PTP4A1: variants seen among roughly 807,000 people sequenced by gnomAD.
PTP4A1 encodes the protein protein tyrosine phosphatase type IVA 1.
Under a neutral mutation model 20.5 loss-of-function variants are expected in PTP4A1, and 9 were observed. The ratio of observed to expected loss-of-function variants is 0.44; its 90% CI spans 0.26 to 0.77. The LOEUF (loss-of-function observed/expected upper bound fraction) is 0.77. PTP4A1 is among the 30% of genes least tolerant of loss of function. The pLI, the probability that PTP4A1 is intolerant of heterozygous loss-of-function variation, is 0.19. For synonymous variants in PTP4A1, 78 were observed against 67.4 expected, an observed-to-expected ratio of 1.16 and a Z score of -0.77; for missense variants, 137 against 218.8, an observed-to-expected ratio of 0.63 and a Z score of 2.36.
intron 3 of PTP4A1, among the ~76,000 whole-genome samples, chr6:63,553,079 C>T (rs1201112926): frequency 6.6e-6 from 1 of 152,104 alleles, no homozygotes; most frequent in Non-Finnish European, 1.5e-5. Flanking sequence ...TCACCAGTTG[C>T]AAAGTAGTAG....
At chr6:63,559,828 G>GAGAA in intron 3 of PTP4A1, among the ~76,000 whole-genome samples, 1 of 152,142 alleles carries the variant, frequency 6.6e-6, no homozygotes, top group Non-Finnish European at 1.5e-5. Context: ...TCTGAGGCAG[G>GAGAA]TTTGCCCAGG....
chr6:63,574,331 A>G (rs1027684437), intron 1 of PTP4A1, among the ~76,000 whole-genome samples: 20 of 152,032 alleles, frequency 1.3e-4, no homozygotes, highest in African/African-American at 4.8e-4. Flanking sequence ...CCCTTCTTGT[A>G]TATGATTGTG....
At chr6:63,575,652 T>C (rs1385016994) in intron 1 of PTP4A1, among the ~76,000 whole-genome samples, 2 of 152,186 alleles carry the variant, frequency 1.3e-5, no homozygotes, top group African/African-American at 4.8e-5. Flanking sequence ...ATTTTGGTTT[T>C]AAAATACAAA....
chr6:63,578,919 G>A lies in PTP4A1; in HGVS notation c.220G>A (p.Ala74Thr). The change falls in exon 4 of 6, where the codon GCA (alanine) becomes ACA (threonine). Residue 74 changes from alanine to threonine, a missense_variant. By Grantham distance (58) the Ala-to-Thr change is moderately conservative. Coordinates refer to ENST00000626021, the MANE Select transcript of PTP4A1 (RefSeq NM_003463.5). ...TTAGGATTGGCCTTTTGATGATGGT[G>A]CACCACCATCCAACCAGATTGTTGA... The part of the protein sequence containing the change: ...HVLDWPFDDG[A>T]PPSNQIVDDW... 1 of 1,586,420 alleles carries A rather than the reference G, an allele frequency of 6.3e-7. No individual in the cohort carries two copies. Among genetic ancestry groups the A allele is most frequent in the Non-Finnish European group, 8.5e-7 (1 of 1,170,154 alleles).
intron 1 of PTP4A1, chr6:63,573,306 G>C (rs1286426701): frequency 6.6e-6 from 1 of 152,608 alleles, no homozygotes; most frequent in Non-Finnish European, 1.5e-5. Context: ...CGGGCGTGGG[G>C]TAGGCCGGAC....
rs1211615873 is a variant in PTP4A1, at chr6:63,580,490, A to C, written c.*316A>C. The C allele has an allele frequency of 1.9e-5, 4 of 211,594 alleles. No homozygotes were observed. In the Admixed American group the frequency reaches 2.1e-4, roughly 11 times the overall value. 13.1% of individuals were successfully genotyped at this position (211,594 alleles called of 1,614,324 possible). ...AAATCTATTCCCATGCCAGAATCTT[A>C]TCAATACATAAGAAATTTAGGAAGA... is the stretch of plus-strand genomic sequence containing the variant. On this transcript the variant is annotated 3_prime_UTR_variant, in exon 6 of 6. Coordinates refer to ENST00000626021, the MANE Select transcript of PTP4A1 (RefSeq NM_003463.5).
chr6:63,549,190 T>G, intron 2 of PTP4A1: 1 of 692,824 alleles, frequency 1.4e-6, no homozygotes, highest in Non-Finnish European at 2.6e-6. Flanking sequence ...TTCTCTTGCT[T>G]AGTCTCTGAT....
At chr6:63,574,897 T>A (rs555780302) in intron 1 of PTP4A1, among the ~76,000 whole-genome samples, 42 of 152,336 alleles carry the variant, frequency 2.8e-4, no homozygotes, top group African/African-American at 1.0e-3. Flanking sequence ...TTTAGACACT[T>A]AATTTTTTAA....
chr6:63,529,717 T>C (rs1024593503), intron 2 of PTP4A1, among the ~76,000 whole-genome samples: 1 of 152,222 alleles, frequency 6.6e-6, no homozygotes, highest in African/African-American at 2.4e-5. Context: ...GAAAAGGTTA[T>C]GCATTTTATC....
intron 3 of PTP4A1, among the ~76,000 whole-genome samples, chr6:63,551,557 T>C (rs941035715): frequency 1.3e-4 from 20 of 152,338 alleles, no homozygotes; most frequent in Admixed American, 1.2e-3. Flanking sequence ...TTAATTATAC[T>C]TTAAGTTCTA....
At chr6:63,578,005 T>C (rs1217075671) in intron 2 of PTP4A1, among the ~76,000 whole-genome samples, 1 of 151,912 alleles carries the variant, frequency 6.6e-6, no homozygotes, top group African/African-American at 2.4e-5. Context: ...ATCAGTAAAG[T>C]TTAAGGAGTG....
At chr6:63,555,082 T>C (rs1448027633) in intron 3 of PTP4A1, among the ~76,000 whole-genome samples, 1 of 152,226 alleles carries the variant, frequency 6.6e-6, no homozygotes, top group East Asian at 1.9e-4. Flanking sequence ...CATACCTCCA[T>C]TTCTTTTCAT....
chr6:63,518,822 T>A (rs1774822191), upstream of PTP4A1, among the ~76,000 whole-genome samples: 1 of 152,064 alleles, frequency 6.6e-6, no homozygotes, highest in South Asian at 2.1e-4. Context: ...TATTGAAAAA[T>A]GCACATTAGG....
At chr6:63,551,750 T>C (rs1185168225) in intron 3 of PTP4A1, among the ~76,000 whole-genome samples, 1 of 146,324 alleles carries the variant, frequency 6.8e-6, no homozygotes, top group Non-Finnish European at 1.5e-5. Context: ...TGTGTTCTCA[T>C]TGTTCAATTC....
intron 1 of PTP4A1, among the ~76,000 whole-genome samples, 157 bp from the exon 2 acceptor site, chr6:63,576,279 A>T (rs1157933439): frequency 6.6e-5 from 10 of 152,060 alleles, no homozygotes; most frequent in Admixed American, 5.2e-4. Flanking sequence ...ATCTGTACTC[A>T]CCCCTTGAGT....
chr6:63,549,332 G>C (rs1776336625), intron 2 of PTP4A1: 1 of 754,182 alleles, frequency 1.3e-6, no homozygotes, highest in African/African-American at 1.7e-5. Flanking sequence ...ACCTGATATA[G>C]TGGGGGCCAT....
At chr6:63,556,373 G>A in intron 3 of PTP4A1, among the ~76,000 whole-genome samples, 1 of 151,472 alleles carries the variant, frequency 6.6e-6, no homozygotes, top group Non-Finnish European at 1.5e-5. Context: ...TAGAGACGAG[G>A]TCTCACTATG....
At chr6:63,534,510 ATGCAGTACT>A (rs1775618585) in intron 2 of PTP4A1, among the ~76,000 whole-genome samples, 1 of 151,832 alleles carries the variant, frequency 6.6e-6, no homozygotes, top group Non-Finnish European at 1.5e-5. Context: ...GTCTAAGCCA[ATGCAGTACT>A]TACAAAACAT....
At chr6:63,518,390 A>G (rs1201946936), upstream of PTP4A1, among the ~76,000 whole-genome samples, 1 of 152,158 alleles carries the variant, frequency 6.6e-6, no homozygotes, top group Non-Finnish European at 1.5e-5. Context: ...GCAAGAATAA[A>G]TTTTATAATT....
Sources: allele counts gnomAD v4.1 joint callset (sites outside exome capture counted in the v4.1 genomes callset), GRCh38; gene constraint gnomAD v4.1.1; transcripts MANE v1.5; gene names NCBI Gene and HGNC (gene_info 2026-07-23, HGNC 2026-07-21).